CCNJL: variants seen among roughly 807,000 people sequenced by gnomAD.
The protein encoded by CCNJL is cyclin-J-like protein.
A neutral mutation model predicts 33.4 loss-of-function variants in CCNJL; 33 were observed. That is an observed-to-expected ratio of 0.99 (90% CI 0.75 to 1.32). The LOEUF is 1.32. CCNJL is among the 40% of genes most tolerant of loss of function. CCNJL has a pLI of 0.00. For missense variants in CCNJL, 512 were observed against 499.7 expected (o/e 1.02, Z -0.23); for synonymous variants, 227 against 220.9 (o/e 1.03, Z -0.24).
At chr5:160,301,971 C>A (rs182774762) in intron 2 of CCNJL, among the ~76,000 whole-genome samples, 1 of 151,984 alleles carries the variant, frequency 6.6e-6, no homozygotes, top group African/African-American at 2.4e-5. Flanking sequence ...CTCATGTGAT[C>A]CACCCACCTC....
intron 1 of CCNJL, among the ~76,000 whole-genome samples, chr5:160,323,039 C>T (rs1402386522): frequency 1.3e-5 from 2 of 152,046 alleles, no homozygotes; most frequent in Non-Finnish European, 2.9e-5. Flanking sequence ...TTGAGACCAG[C>T]CTGGCCAATA....
At chr5:160,297,614 A>G (rs1762787783) in intron 2 of CCNJL, among the ~76,000 whole-genome samples, 1 of 150,124 alleles carries the variant, frequency 6.7e-6, no homozygotes, top group East Asian at 2.0e-4. Context: ...TAAGAGTTTG[A>G]GACCAACCTG....
rs536871550 is a variant in CCNJL at position 160,268,882 on chromosome 5, T to C, written c.281-9111A>G. 2.8e-4 allele frequency among the ~76,000 whole-genome samples: 43 copies of C among 152,264 alleles called. 1 individual carries two copies. In the South Asian group the frequency reaches 8.7e-3, roughly 31 times the overall value. Reference sequence around the variant, plus strand: ...TGAGCTTCCTTTCTCCCTCAGGAAATCAAGAAAAAGCTCTCTTCTTCTCCT... The same window carrying C: ...TGAGCTTCCTTTCTCCCTCAGGAAACCAAGAAAAAGCTCTCTTCTTCTCCT... On this transcript the variant is annotated intron_variant, in intron 3 of 5. Transcript: ENST00000257536.
At chr5:160,333,772 C>T (rs1205883219) in intron 1 of CCNJL, among the ~76,000 whole-genome samples, 17 of 152,064 alleles carry the variant, frequency 1.1e-4, no homozygotes, top group Admixed American at 1.1e-3. Flanking sequence ...CTTCTCTACG[C>T]CCCCTTGCTT....
intron 1 of CCNJL, among the ~76,000 whole-genome samples, chr5:160,332,648 G>A (rs534243664): frequency 5.9e-5 from 9 of 152,210 alleles, no homozygotes; most frequent in Admixed American, 2.6e-4. Context: ...CACACTTGCC[G>A]TTCTTCCCAG....
chr5:160,291,707 A>G (rs1762590420), intron 2 of CCNJL, among the ~76,000 whole-genome samples: 1 of 152,236 alleles, frequency 6.6e-6, no homozygotes, highest in Non-Finnish European at 1.5e-5. Flanking sequence ...AAGCTTGCCG[A>G]GATTAAGAAC....
chr5:160,255,456 C>T (rs572628157), intron 5 of CCNJL, 93 bp downstream of exon 5: 1 of 1,221,288 alleles, frequency 8.2e-7, no homozygotes, highest in Non-Finnish European at 1.2e-6. Context: ...CCACAAGTTC[C>T]AGACTCTGGA....
At chr5:160,330,299 G>T (rs1475358618) in intron 1 of CCNJL, among the ~76,000 whole-genome samples, 2 of 152,126 alleles carry the variant, frequency 1.3e-5, no homozygotes, top group Admixed American at 1.3e-4. Flanking sequence ...TAAAATTTCA[G>T]ATTGTGGCAT....
chr5:160,291,397 AAGCCTAT>A (rs1392643843), intron 2 of CCNJL, among the ~76,000 whole-genome samples: 4 of 152,198 alleles, frequency 2.6e-5, no homozygotes, highest in Non-Finnish European at 5.9e-5. Flanking sequence ...TCCTTAAAGG[AAGCCTAT>A]ATTAGCCCAG....
In CCNJL at chr5:160,253,500, G is replaced by C. The variant is rs1325281786; in HGVS notation, c.1042C>G (p.Pro348Ala). 1.2e-6 allele frequency: 2 copies of C among 1,614,152 alleles called. No homozygotes were observed. The highest frequency in any genetic ancestry group is 1.7e-6 in the Non-Finnish European group (2 of 1,180,030). ...GCCATATGCATGCTAAGGGATGCAG[G>C]GACGGGCACGGGACACATATCCAAG... ...QPLDMCPVPVPASLSMHMAIA... is the reference protein window; with the variant it reads ...QPLDMCPVPVAASLSMHMAIA... Residue 348 changes from proline to alanine, a missense_variant, in exon 6 of 6, where the codon CCT becomes GCT. Coordinates refer to ENST00000257536, the MANE Select transcript of CCNJL (RefSeq NM_001308173.3).
intron 1 of CCNJL, among the ~76,000 whole-genome samples, chr5:160,332,561 C>A (rs1763622695): frequency 1.3e-5 from 2 of 152,204 alleles, no homozygotes; most frequent in Admixed American, 6.5e-5. Flanking sequence ...CGGTCCCCAC[C>A]CTGTCCACCT....
At chr5:160,329,072 C>T (rs1403667302) in intron 1 of CCNJL, among the ~76,000 whole-genome samples, 2 of 152,012 alleles carry the variant, frequency 1.3e-5, no homozygotes, top group African/African-American at 2.4e-5. Context: ...CTGAGGAATC[C>T]GACATGGAGG....
At chr5:160,270,710 T>TATTTTGTTA in intron 3 of CCNJL, among the ~76,000 whole-genome samples, 1 of 152,356 alleles carries the variant, frequency 6.6e-6, no homozygotes, top group African/African-American at 2.4e-5. Context: ...AAGTGATTTT[T>TATTTTGTTA]ATTTTGTTAT....
At chr5:160,333,770 C>T (rs148233631) in intron 1 of CCNJL, among the ~76,000 whole-genome samples, 1,906 of 152,190 alleles carry the variant, frequency 0.013, 29 homozygotes, top group South Asian at 0.028. Flanking sequence ...CCCTTCTCTA[C>T]GCCCCCTTGC....
chr5:160,266,360 C>G (rs1321011176), intron 3 of CCNJL, among the ~76,000 whole-genome samples: 1 of 152,268 alleles, frequency 6.6e-6, no homozygotes, highest in Non-Finnish European at 1.5e-5. Context: ...CTCTCAGATT[C>G]TTCCTTCCTG....
chr5:160,291,198 C>T (rs72812246), intron 2 of CCNJL, among the ~76,000 whole-genome samples: 2,937 of 152,072 alleles, frequency 0.019, 42 homozygotes, highest in Middle Eastern at 0.031. Flanking sequence ...TGGGTTTCCA[C>T]GGAAGAAGCG....
intron 1 of CCNJL, among the ~76,000 whole-genome samples, chr5:160,325,182 A>C (rs984443566): frequency 6.6e-6 from 1 of 152,214 alleles, no homozygotes; most frequent in African/African-American, 2.4e-5. Flanking sequence ...GCTCTGAGTT[A>C]AGAGCTCATT....
chr5:160,321,133 C>T (rs1201376978), intron 1 of CCNJL, among the ~76,000 whole-genome samples: 2 of 149,788 alleles, frequency 1.3e-5, no homozygotes, highest in African/African-American at 2.5e-5. Context: ...ACCATGTGGG[C>T]GACACACCAC....
chr5:160,308,365 G>C (rs1763158911), intron 2 of CCNJL, among the ~76,000 whole-genome samples: 1 of 152,226 alleles, frequency 6.6e-6, no homozygotes, highest in Non-Finnish European at 1.5e-5. Flanking sequence ...GGGAAGCTGT[G>C]TTCATGGCAC....
Sources: allele counts gnomAD v4.1 joint callset (sites outside exome capture counted in the v4.1 genomes callset), GRCh38; gene constraint gnomAD v4.1.1; transcripts MANE v1.5; gene names NCBI Gene and HGNC (gene_info 2026-07-23, HGNC 2026-07-21).